The following SOAT2 variants were observed in gnomAD, a reference collection of about 807,000 sequenced individuals.
SOAT2 encodes the protein ACAT-2.
In SOAT2, 87 loss-of-function variants were observed where a neutral mutation model predicts 76.0. That is an observed-to-expected ratio of 1.14 (90% CI 0.96 to 1.37). The LOEUF is 1.37. Ranked by LOEUF, SOAT2 falls within the 40% of genes most tolerant of loss-of-function variation. The pLI is 0.00. For synonymous variants in SOAT2, 285 were observed against 275.4 expected (o/e 1.03, Z -0.34); for missense variants, 686 against 682.1 (o/e 1.01, Z -0.06).
At chr12:53,106,184 C>G (rs1445752340) in intron 5 of SOAT2, among the ~76,000 whole-genome samples, 170 bp downstream of exon 5, 1 of 152,246 alleles carries the variant, frequency 6.6e-6, no homozygotes, top group Non-Finnish European at 1.5e-5. Flanking sequence ...CTCTAGGATC[C>G]CTTCCTTCCC....
In SOAT2 at chr12:53,115,288, G is replaced by C. The variant is rs1029288702; in HGVS notation, c.444-102G>C. On this transcript the variant is annotated intron_variant, in intron 5 of 14. Coordinates refer to ENST00000301466, the MANE Select transcript of SOAT2 (RefSeq NM_003578.4). Reference sequence around the variant, plus strand: ...TCCAGAGATGGGGAGCTCACAACCTGATCAAGATACCTCAGTTCATCTTCC... The same window carrying C: ...TCCAGAGATGGGGAGCTCACAACCTCATCAAGATACCTCAGTTCATCTTCC... The C allele has an allele frequency of 1.2e-4, 165 of 1,375,202 alleles. No individual in the cohort carries two copies. In the African/African-American group the frequency reaches 2.2e-3, roughly 18 times the overall value. The allele number at this position is 1,375,202 out of a possible 1,614,324, so 85.2% of individuals were successfully genotyped here. A position where few individuals can be genotyped will look rare whatever the true frequency, so the allele number is the denominator to read the frequency against.
intron 12 of SOAT2, among the ~76,000 whole-genome samples, chr12:53,122,353 T>C (rs968311045): frequency 6.6e-6 from 1 of 151,380 alleles, no homozygotes; most frequent in South Asian, 2.1e-4. Flanking sequence ...TTTTTTTTTT[T>C]TTATTGATCA....
At position 53,124,310 on chromosome 12, in the gene SOAT2, C is replaced by G. The variant is rs1407904162; in HGVS notation, c.*187C>G. On this transcript the variant is annotated 3_prime_UTR_variant, in exon 15 of 15. Coordinates refer to ENST00000301466, the MANE Select transcript of SOAT2 (RefSeq NM_003578.4). Reference sequence around the variant, plus strand: ...CTTGTGGGTAACTGATCACAGACCTCAGCATGGGGGTGACCAGGGTGACTC... The same window carrying G: ...CTTGTGGGTAACTGATCACAGACCTGAGCATGGGGGTGACCAGGGTGACTC... 3.1e-6 allele frequency: 2 copies of G among 634,960 alleles called. No individual in the cohort carries two copies. Among genetic ancestry groups the G allele is most frequent in the East Asian group, 5.5e-5 (2 of 36,624 alleles). The allele number at this position is 634,960 out of a possible 1,614,324, so 39.3% of individuals were successfully genotyped here.
In SOAT2 at chr12:53,103,598, T is replaced by C; in HGVS notation, c.21T>C (p.Arg7=). ...GCACCATGGAGCCAGGCGGGGCCCG[T>C]CTGCGTCTGCAGAGGACAGAAGGGC... MEPGGA[R]LRLQRTEGLG... is the part of the protein sequence containing the mutation. Residue 7 remains arginine, a synonymous_variant, in exon 1 of 15, where the codon CGT becomes CGC. Coordinates refer to ENST00000301466, the MANE Select transcript of SOAT2 (RefSeq NM_003578.4). The C allele has an allele frequency of 6.5e-7, 1 of 1,546,566 alleles. No individual in the cohort carries two copies. The highest frequency in any genetic ancestry group is 8.7e-7 in the Non-Finnish European group (1 of 1,146,678).
chr12:53,106,193 C>T (rs1937931877), intron 5 of SOAT2, among the ~76,000 whole-genome samples, 179 bp downstream of exon 5: 1 of 152,260 alleles, frequency 6.6e-6, no homozygotes, highest in Non-Finnish European at 1.5e-5. Flanking sequence ...CCCTTCCTTC[C>T]CCAGCCTTGG....
At chr12:53,113,492 G>A (rs183604236) in intron 5 of SOAT2, among the ~76,000 whole-genome samples, 33 of 152,302 alleles carry the variant, frequency 2.2e-4, no homozygotes, top group African/African-American at 7.7e-4. Flanking sequence ...AGCCACTGGT[G>A]GCTGAACACA....
At chr12:53,118,762 C>T (rs1209589197) in intron 8 of SOAT2, 128 bp from the exon 9 acceptor site, 1 of 998,060 alleles carries the variant, frequency 1.0e-6, no homozygotes, top group Admixed American at 1.9e-5. Flanking sequence ...ACCCCACCAC[C>T]CTAGATAATC....
At chr12:53,108,621 A>T (rs1937970304) in intron 5 of SOAT2, among the ~76,000 whole-genome samples, 2 of 152,256 alleles carry the variant, frequency 1.3e-5, no homozygotes, top group South Asian at 4.1e-4. Flanking sequence ...CAACATTTTA[A>T]GCAAAAAGTG....
intron 5 of SOAT2, among the ~76,000 whole-genome samples, chr12:53,110,287 G>C (rs1213280250): frequency 1.3e-5 from 2 of 152,120 alleles, no homozygotes; most frequent in South Asian, 4.2e-4. Flanking sequence ...TTATGTACTA[G>C]GTGTGGCGCC....
At chr12:53,104,990 T>G in intron 2 of SOAT2, 117 bp from the exon 3 acceptor site, 11 of 1,157,372 alleles carry the variant, frequency 9.5e-6, no homozygotes, top group Admixed American at 2.9e-5. Flanking sequence ...CCCAGGTTGT[T>G]TTTTTTTTTA....
intron 5 of SOAT2, among the ~76,000 whole-genome samples, chr12:53,112,603 A>G (rs1447466519): frequency 6.6e-6 from 1 of 151,638 alleles, no homozygotes; most frequent in Non-Finnish European, 1.5e-5. Flanking sequence ...AACCAAAAAC[A>G]TGAAAGCCTT....
At chr12:53,121,460 C>G in intron 12 of SOAT2, 59 bp downstream of exon 12, 2 of 1,352,128 alleles carry the variant, frequency 1.5e-6, no homozygotes, top group Non-Finnish European at 2.1e-6. Flanking sequence ...CCTTCCTTCC[C>G]TCTCCTTCCC....
chr12:53,113,403 C>A (rs778231186), intron 5 of SOAT2, among the ~76,000 whole-genome samples: 5 of 152,316 alleles, frequency 3.3e-5, no homozygotes, highest in Admixed American at 6.5e-5. Context: ...GTTTTGCACA[C>A]GGGACAGCCC....
chr12:53,115,730 A>G (rs1938096763), intron 6 of SOAT2, 76 bp downstream of exon 6: 4 of 1,422,948 alleles, frequency 2.8e-6, no homozygotes, highest in Admixed American at 2.9e-5. Context: ...GAGTCCCCCA[A>G]AGAGGGGGCG....
chr12:53,123,615 T>C (rs1276722968), intron 13 of SOAT2, 113 bp from the exon 14 acceptor site: 2 of 1,291,296 alleles, frequency 1.5e-6, no homozygotes, highest in Non-Finnish European at 2.2e-6. Context: ...GTTCAAGATC[T>C]TCTCCAATGG....
At chr12:53,123,991 G>C in intron 14 of SOAT2, 82 bp from the exon 15 acceptor site, 1 of 1,603,282 alleles carries the variant, frequency 6.2e-7, no homozygotes, top group Non-Finnish European at 8.5e-7. Context: ...CTGGCTTGGG[G>C]GTGATGGACT....
chr12:53,115,802 T>C, intron 6 of SOAT2, 148 bp downstream of exon 6: 1 of 1,021,736 alleles, frequency 9.8e-7, no homozygotes, highest in Non-Finnish European at 1.4e-6. Context: ...TTACCGGGGG[T>C]GGAGTCCATT....
Position 53,121,329 on chromosome 12 carries a change from C to T in SOAT2, c.1164C>T (p.Ser388=). The change falls in exon 12 of 15, where the codon TCC becomes TCT. Residue 388 remains serine (S), a synonymous_variant. Transcript: ENST00000301466. ...YRDWWNSTSF[S]NYYRTWNVVV... Reference sequence around the variant, plus strand: ...ACTGGTGGAACTCAACGTCCTTCTCCAACTACTACCGCACTTGGAACGTGG... The same window carrying T: ...ACTGGTGGAACTCAACGTCCTTCTCTAACTACTACCGCACTTGGAACGTGG... 2 of 1,614,146 alleles carry T rather than the reference C, an allele frequency of 1.2e-6. No homozygotes were observed. The highest frequency in any genetic ancestry group is 1.7e-6 in the Non-Finnish European group (2 of 1,179,980).
At chr12:53,108,383 T>C (rs571861926) in intron 5 of SOAT2, among the ~76,000 whole-genome samples, 1 of 152,290 alleles carries the variant, frequency 6.6e-6, no homozygotes, top group Non-Finnish European at 1.5e-5. Context: ...CTTGGGAAAA[T>C]AACCACTTTT....
Sources: gnomAD v4.1 joint callset for allele counts (sites outside exome capture counted in the v4.1 genomes callset) on GRCh38, gnomAD v4.1.1 for gene constraint, MANE v1.5 for transcripts, NCBI Gene and HGNC (gene_info 2026-07-23, HGNC 2026-07-21) for gene names.